Variants in SEMA3A observed in about 807,000 individuals in gnomAD.
The protein encoded by SEMA3A is semaphorin 3A.
Under a neutral mutation model 97.9 loss-of-function variants are expected in SEMA3A, and 29 were observed. That is an observed-to-expected ratio of 0.30 (90% CI 0.22 to 0.40). The LOEUF (loss-of-function observed/expected upper bound fraction) is 0.40, where lower values mean the gene tolerates loss of function less well. SEMA3A is among the 10% of genes least tolerant of loss of function. SEMA3A has a pLI of 1.00. For missense variants in SEMA3A, 763 were observed against 951.3 expected (o/e 0.80, Z 2.60); for synonymous variants, 321 against 323.7 (o/e 0.99, Z 0.09).
chr7:84,321,696 G>GAAATCCCGTCTCTACT (rs1406766086), intron 2 of SEMA3A, among the ~76,000 whole-genome samples: 5 of 151,738 alleles, frequency 3.3e-5, no homozygotes, highest in Non-Finnish European at 7.4e-5. Flanking sequence ...CTAACACAGT[G>GAAATCCCGTCTCTACT]AAATCCCGTC....
intron 2 of SEMA3A, among the ~76,000 whole-genome samples, chr7:84,330,584 A>G (rs879378869): frequency 6.6e-6 from 1 of 152,070 alleles, no homozygotes; most frequent in Non-Finnish European, 1.5e-5. Flanking sequence ...TATCACTGGA[A>G]GGGTATTACC....
At chr7:84,146,660 A>G (rs1416690663) in intron 1 of SEMA3A, among the ~76,000 whole-genome samples, 1 of 152,200 alleles carries the variant, frequency 6.6e-6, no homozygotes, top group Non-Finnish European at 1.5e-5. Flanking sequence ...GGATAATTCA[A>G]ACGTGCATTG....
chr7:84,036,286 T>G (rs1791936796), intron 6 of SEMA3A, among the ~76,000 whole-genome samples: 1 of 152,080 alleles, frequency 6.6e-6, no homozygotes, highest in Admixed American at 6.6e-5. Context: ...ACTTCTAGGG[T>G]TTTTCATTAG....
intron 3 of SEMA3A, among the ~76,000 whole-genome samples, chr7:84,304,697 GCTAT>G (rs1434382769): frequency 1.3e-5 from 2 of 151,978 alleles, no homozygotes; most frequent in East Asian, 3.9e-4. Context: ...GAATTCCAGT[GCTAT>G]CTGAGTCTAT....
At chr7:84,318,585 G>T (rs921137093) in intron 2 of SEMA3A, among the ~76,000 whole-genome samples, 4 of 152,114 alleles carry the variant, frequency 2.6e-5, no homozygotes, top group Admixed American at 6.5e-5. Context: ...GCCTCCCAAA[G>T]TGCTGGGATT....
chr7:84,060,564 G>T lies in SEMA3A; in HGVS notation c.454-6C>A, dbSNP rs374416728. On this transcript the variant is annotated splice_region_variant and splice_polypyrimidine_tract_variant and intron_variant, in intron 4 of 16. Coordinates refer to ENST00000265362, the MANE Select transcript of SEMA3A (RefSeq NM_006080.3). Reference sequence around the variant, plus strand: ...TCCAGCTTAAAAATATTGTCCTGTGGATTTAAAAAAGAAAGAGAAAAGGGT... The same window carrying T: ...TCCAGCTTAAAAATATTGTCCTGTGTATTTAAAAAAGAAAGAGAAAAGGGT... 2 of 1,542,654 alleles carry T rather than the reference G, an allele frequency of 1.3e-6. No homozygotes were observed. The highest frequency in any genetic ancestry group is 2.2e-5 in the Admixed American group (1 of 44,568).
chr7:84,282,227 G>A (rs1428448611), intron 3 of SEMA3A, among the ~76,000 whole-genome samples: 10 of 151,918 alleles, frequency 6.6e-5, no homozygotes, highest in Admixed American at 1.3e-4. Context: ...CTCAAAGCTG[G>A]TTTACAGTTA....
At chr7:84,175,900 G>T (rs552027938) in intron 1 of SEMA3A, among the ~76,000 whole-genome samples, 1 of 152,204 alleles carries the variant, frequency 6.6e-6, no homozygotes, top group East Asian at 1.9e-4. Context: ...CCCCACAAAA[G>T]AATGCTCTGA....
chr7:84,447,144 C>A (rs1262580548), intron 1 of SEMA3A, among the ~76,000 whole-genome samples: 1 of 152,196 alleles, frequency 6.6e-6, no homozygotes, highest in Non-Finnish European at 1.5e-5. Context: ...TGGGGTGGTG[C>A]TGACATGCCA....
intron 3 of SEMA3A, among the ~76,000 whole-genome samples, chr7:84,240,422 C>T (rs560580834): frequency 1.2e-4 from 14 of 120,168 alleles, no homozygotes; most frequent in South Asian, 1.1e-3. Flanking sequence ...AGAGAGAGGG[C>T]GGGGGGATTG....
intron 3 of SEMA3A, among the ~76,000 whole-genome samples, chr7:84,223,588 C>T (rs1001182295): frequency 6.6e-6 from 1 of 151,724 alleles, no homozygotes; most frequent in Non-Finnish European, 1.5e-5. Flanking sequence ...ACTCAATATA[C>T]AGTGTGTTTC....
rs558422763 is a variant in SEMA3A, at chr7:84,055,122, C to A, written c.547+5343G>T. 1.5e-3 allele frequency among the ~76,000 whole-genome samples: 220 copies of A among 151,624 alleles called. 2 individuals carry two copies. The highest frequency in any genetic ancestry group is 4.6e-3 in the African/African-American group (190 of 41,344). Reference sequence around the variant, plus strand: ...CTCTCTTCAAAGCTGTCAGACAGGGCCATTTAAGTCTGCAGAGGTTACTGC... The same window carrying A: ...CTCTCTTCAAAGCTGTCAGACAGGGACATTTAAGTCTGCAGAGGTTACTGC... On this transcript the variant is annotated intron_variant, in intron 5 of 16. Coordinates refer to ENST00000265362, the MANE Select transcript of SEMA3A (RefSeq NM_006080.3).
At chr7:84,021,066 C>T (rs917840344) in intron 6 of SEMA3A, among the ~76,000 whole-genome samples, 5 of 152,162 alleles carry the variant, frequency 3.3e-5, no homozygotes, top group African/African-American at 9.7e-5. Flanking sequence ...AGGTGGGTCA[C>T]GATTTTGGCT....
intron 3 of SEMA3A, among the ~76,000 whole-genome samples, chr7:84,230,209 A>T (rs1279287415): frequency 6.6e-6 from 1 of 151,196 alleles, no homozygotes; most frequent in Non-Finnish European, 1.5e-5. Flanking sequence ...TAATTGAGTC[A>T]CTCTCTCTCT....
At position 83,961,641 on chromosome 7, in the gene SEMA3A, A is replaced by G. The variant is rs1584480308; in HGVS notation, c.2046T>C (p.Asp682=). 2 of 1,613,974 alleles carry G rather than the reference A, an allele frequency of 1.2e-6. No homozygotes were observed. Among genetic ancestry groups the G allele is most frequent in the Non-Finnish European group, 1.7e-6 (2 of 1,179,896 alleles). Residue 682 remains aspartate (D), a synonymous_variant, in exon 17 of 17, where the codon GAT becomes GAC. Transcript: ENST00000265362. ...TTTCTTTGGTCTTAGAGCCATCTCC[A>G]TCATCATCTTTATGAAGAAGTTCTT... The part of the protein sequence containing the change: ...HLEELLHKDD[D]GDGSKTKEMS...
At chr7:84,232,257 TTATTA>T (rs1799133181) in intron 3 of SEMA3A, among the ~76,000 whole-genome samples, 1 of 147,838 alleles carries the variant, frequency 6.8e-6, no homozygotes, top group Non-Finnish European at 1.5e-5. Flanking sequence ...ATATGTATAT[TTATTA>T]TATTATATTT....
At chr7:84,160,239 A>G (rs763390454) in intron 1 of SEMA3A, among the ~76,000 whole-genome samples, 4 of 72,874 alleles carry the variant, frequency 5.5e-5, no homozygotes, top group Non-Finnish European at 6.6e-5. Context: ...CTATCTATCT[A>G]TCTATCTATC....
intron 2 of SEMA3A, among the ~76,000 whole-genome samples, chr7:84,321,705 T>C (rs1801647885): frequency 6.6e-6 from 1 of 150,758 alleles, no homozygotes; most frequent in African/African-American, 2.4e-5. Context: ...TGAAATCCCG[T>C]CTCTACTAAA....
chr7:84,189,732 C>T (rs532277859), intron 1 of SEMA3A, among the ~76,000 whole-genome samples: 53 of 151,552 alleles, frequency 3.5e-4, no homozygotes, highest in Non-Finnish European at 5.5e-4. Flanking sequence ...TTACTAGGAA[C>T]ATATGCAATC....
Sources: allele counts gnomAD v4.1 joint callset (sites outside exome capture counted in the v4.1 genomes callset), GRCh38; gene constraint gnomAD v4.1.1; transcripts MANE v1.5; gene names NCBI Gene and HGNC (gene_info 2026-07-23, HGNC 2026-07-21).